Variants in ANKS1B observed in about 807,000 individuals in gnomAD.
The protein encoded by ANKS1B is ankyrin repeat and sterile alpha motif domain containing 1B, also known as ankyrin repeat and sterile alpha motif domain-containing protein 1B.
A neutral mutation model predicts 148.3 loss-of-function variants in ANKS1B; 36 were observed. The observed-to-expected ratio is 0.24, with a 90% confidence interval of 0.19 to 0.32. ANKS1B has a LOEUF of 0.32. Among genes scored for constraint, ANKS1B ranks in the 10% least tolerant of loss-of-function variants. The pLI is 1.00. For missense variants in ANKS1B, 1,157 were observed against 1,542.6 expected (o/e 0.75, Z 4.19); for synonymous variants, 542 against 560.8 (o/e 0.97, Z 0.47).
chr12:99,270,337 C>G (rs1485520648), intron 12 of ANKS1B, among the ~76,000 whole-genome samples: 2 of 152,184 alleles, frequency 1.3e-5, no homozygotes, highest in African/African-American at 4.8e-5. Flanking sequence ...ATTCTGATCC[C>G]TAATTTAAAG....
intron 1 of ANKS1B, among the ~76,000 whole-genome samples, chr12:99,894,472 G>A (rs942682986): frequency 3.0e-4 from 42 of 138,484 alleles, no homozygotes; most frequent in Admixed American, 7.0e-4. Flanking sequence ...CCATGCCACC[G>A]CACTCCAGCC....
At chr12:98,749,266 CTT>C (rs76494857) in intron 26 of ANKS1B, among the ~76,000 whole-genome samples, 5 of 143,816 alleles carry the variant, frequency 3.5e-5, no homozygotes, top group Non-Finnish European at 3.1e-5. Context: ...GCCCAGCTAA[CTT>C]TTTTTTTTTT....
chr12:99,564,975 G>C (rs945392900), intron 9 of ANKS1B, among the ~76,000 whole-genome samples: 1 of 152,106 alleles, frequency 6.6e-6, no homozygotes, highest in Non-Finnish European at 1.5e-5. Context: ...CAGTGAGAAG[G>C]AAGAGTTGTT....
intron 11 of ANKS1B, among the ~76,000 whole-genome samples, 172 bp from the exon 12 acceptor site, chr12:99,399,983 ATAATAAAAAATTATT>A (rs2094357694): frequency 6.6e-6 from 1 of 152,276 alleles, no homozygotes; most frequent in South Asian, 2.1e-4. Context: ...GATGAATTAA[ATAATAAAAAATTATT>A]TAATGAGAAA....
At chr12:99,134,896 T>C (rs2067484410) in intron 15 of ANKS1B, among the ~76,000 whole-genome samples, 1 of 151,926 alleles carries the variant, frequency 6.6e-6, no homozygotes, top group African/African-American at 2.4e-5. Flanking sequence ...GAATTTCCAG[T>C]TTGCTTTTCC....
At chr12:99,000,198 TA>T (rs1298938725) in intron 17 of ANKS1B, among the ~76,000 whole-genome samples, 1 of 150,764 alleles carries the variant, frequency 6.6e-6, no homozygotes, top group Non-Finnish European at 1.5e-5. Context: ...ACTATAGAGA[TA>T]GGGGAGGGTA....
intron 14 of ANKS1B, among the ~76,000 whole-genome samples, chr12:99,172,745 G>A (rs1267769076): frequency 6.7e-6 from 1 of 148,576 alleles, no homozygotes; most frequent in Non-Finnish European, 1.5e-5. Context: ...ACAAAGTGAT[G>A]AAAAATAATA....
chr12:99,047,457 T>C (rs1202438494), intron 17 of ANKS1B, among the ~76,000 whole-genome samples: 1 of 152,092 alleles, frequency 6.6e-6, no homozygotes, highest in Non-Finnish European at 1.5e-5. Context: ...TTGATGACAA[T>C]GATAAGTCTC....
chr12:98,937,689 G>T (rs2099820072), intron 17 of ANKS1B, among the ~76,000 whole-genome samples: 1 of 152,096 alleles, frequency 6.6e-6, no homozygotes, highest in Admixed American at 6.6e-5. Context: ...TAAGCTGTGT[G>T]GAAGTGTGCT....
At chr12:98,897,299 GA>G in intron 17 of ANKS1B, among the ~76,000 whole-genome samples, 1 of 152,008 alleles carries the variant, frequency 6.6e-6, no homozygotes, top group Admixed American at 6.5e-5. Flanking sequence ...ACAACCTTCA[GA>G]ATGGGAGAAA....
chr12:98,748,353 C>T (rs978564574), intron 26 of ANKS1B, among the ~76,000 whole-genome samples: 20 of 152,136 alleles, frequency 1.3e-4, no homozygotes, highest in Admixed American at 2.6e-4. Context: ...AAAATGGTTT[C>T]GTCCCTGTGC....
intron 1 of ANKS1B, among the ~76,000 whole-genome samples, chr12:99,970,437 T>C (rs955323665): frequency 2.6e-5 from 4 of 152,150 alleles, no homozygotes; most frequent in Non-Finnish European, 5.9e-5. Flanking sequence ...AAAGTTGTTT[T>C]TAGCAATAAG....
intron 10 of ANKS1B, among the ~76,000 whole-genome samples, chr12:99,468,893 G>A (rs1039166970): frequency 1.2e-4 from 18 of 152,160 alleles, no homozygotes; most frequent in African/African-American, 4.1e-4. Context: ...GATTCCTCAG[G>A]GATCTAGAAC....
At chr12:99,648,611 GCT>G (rs1167052772) in intron 9 of ANKS1B, 53 of 1,614,048 alleles carry the variant, frequency 3.3e-5, no homozygotes, top group Non-Finnish European at 4.2e-5. Context: ...GCCACGGGCC[GCT>G]CTTTTTATCT....
intron 17 of ANKS1B, among the ~76,000 whole-genome samples, chr12:98,992,535 T>A (rs952502281): frequency 5.3e-5 from 8 of 152,176 alleles, no homozygotes; most frequent in Non-Finnish European, 1.0e-4. Context: ...TGCTGCTGCC[T>A]TGTGAGGAAG....
At chr12:99,072,389 A>G (rs906401084) in intron 16 of ANKS1B, among the ~76,000 whole-genome samples, 2 of 152,166 alleles carry the variant, frequency 1.3e-5, no homozygotes, top group African/African-American at 4.8e-5. Context: ...ACCTAATGTG[A>G]TAAGTTCCAC....
intron 8 of ANKS1B, among the ~76,000 whole-genome samples, chr12:99,766,763 TA>T (rs1321937512): frequency 6.6e-6 from 1 of 152,266 alleles, no homozygotes; most frequent in East Asian, 1.9e-4. Flanking sequence ...TTATACATGC[TA>T]AAGAATCAGT....
intron 17 of ANKS1B, among the ~76,000 whole-genome samples, chr12:98,966,356 C>T (rs907772766): frequency 1.3e-5 from 2 of 152,176 alleles, no homozygotes; most frequent in African/African-American, 4.8e-5. Context: ...GAGATACCAT[C>T]TCACACCAGT....
intron 13 of ANKS1B, among the ~76,000 whole-genome samples, chr12:99,245,478 C>G (rs761335192): frequency 2.0e-5 from 3 of 152,154 alleles, no homozygotes; most frequent in Non-Finnish European, 4.4e-5. Context: ...ATGGGCATTA[C>G]TTAAATGTCC....
Sources: gnomAD v4.1 joint callset for allele counts (sites outside exome capture counted in the v4.1 genomes callset) on GRCh38, gnomAD v4.1.1 for gene constraint, MANE v1.5 for transcripts, NCBI Gene and HGNC (gene_info 2026-07-23, HGNC 2026-07-21) for gene names.